Variants in NFXL1 observed in about 807,000 individuals in gnomAD.
NFXL1 encodes NF-X1-type zinc finger protein NFXL1.
A neutral mutation model predicts 123.3 loss-of-function variants in NFXL1; 66 were observed. That is an observed-to-expected ratio of 0.54 (90% confidence interval 0.44 to 0.66). The LOEUF (loss-of-function observed/expected upper bound fraction) is 0.66, where lower values mean the gene tolerates loss of function less well. NFXL1 is among the 30% of genes least tolerant of loss of function. NFXL1 has a pLI of 0.00. For synonymous variants in NFXL1, 346 were observed against 360.8 expected (o/e 0.96, Z 0.46); for missense variants, 944 against 1,125.6 (o/e 0.84, Z 2.31).
intron 7 of NFXL1, 22 bp from the exon 8 acceptor site, chr4:47,898,879 A>G: frequency 6.2e-7 from 1 of 1,610,532 alleles, no homozygotes; most frequent in Non-Finnish European, 8.5e-7. Context: ...ATGATAAATT[A>G]GCACAGAAAC....
intron 11 of NFXL1, among the ~76,000 whole-genome samples, chr4:47,893,296 C>A (rs1736888840): frequency 6.6e-6 from 1 of 151,502 alleles, no homozygotes; most frequent in African/African-American, 2.4e-5. Context: ...AAATAAAAAA[C>A]AAAAATTTCA....
intron 15 of NFXL1, among the ~76,000 whole-genome samples, chr4:47,879,902 GCC>G (rs1365996013): frequency 6.6e-6 from 1 of 152,050 alleles, no homozygotes; most frequent in African/African-American, 2.4e-5. Context: ...CAGACCCTAA[GCC>G]TTTCACAACA....
intron 17 of NFXL1, among the ~76,000 whole-genome samples, chr4:47,878,203 ATACTCT>A (rs1237394618): frequency 6.6e-6 from 1 of 152,096 alleles, no homozygotes; most frequent in East Asian, 1.9e-4. Flanking sequence ...AATGGAGGTG[ATACTCT>A]TACTTACTAT....
chr4:47,882,357 G>GAC (rs1736166622), intron 15 of NFXL1: 1 of 152,182 alleles, frequency 6.6e-6, no homozygotes, highest in Non-Finnish European at 1.5e-5. Context: ...TGATGATGAT[G>GAC]ACACACAGAA....
chr4:47,913,927 A>T lies in NFXL1; in HGVS notation c.235+42T>A, dbSNP rs1737973044. On this transcript the variant is annotated intron_variant, in intron 2 of 22. Transcript: ENST00000507489. Reference sequence around the variant, plus strand: ...GGCGGTCCTGACTAGTAACTGCCTTAGGAGGCATCCAGGTGAGCACGCGGG... The same window carrying T: ...GGCGGTCCTGACTAGTAACTGCCTTTGGAGGCATCCAGGTGAGCACGCGGG... The T allele has an allele frequency of 3.5e-6, 5 of 1,426,810 alleles. No homozygotes were observed. The South Asian group carries it at 4.9e-5, about 14-fold the overall frequency. 88.4% of individuals were successfully genotyped at this position (1,426,810 alleles called of 1,614,324 possible).
At chr4:47,863,633 G>C (rs1734889334) in intron 18 of NFXL1, among the ~76,000 whole-genome samples, 1 of 152,144 alleles carries the variant, frequency 6.6e-6, no homozygotes, top group Non-Finnish European at 1.5e-5. Context: ...AGTGAGTCAA[G>C]ATCATGACAC....
chr4:47,898,063 G>A lies in NFXL1; in HGVS notation c.1108C>T (p.Pro370Ser), dbSNP rs1737191672. The A allele has an allele frequency of 8.1e-6, 13 of 1,602,800 alleles. No individual in the cohort carries two copies. Among genetic ancestry groups the A allele is most frequent in the Non-Finnish European group, 9.4e-6 (11 of 1,174,796 alleles). Reference sequence around the variant, plus strand: ...TGCTCACATGTGTGATTACCACATGGCAGTGTTTTTCCACATACCTAAAAT... The same window carrying A: ...TGCTCACATGTGTGATTACCACATGACAGTGTTTTTCCACATACCTAAAAT... Reference protein sequence around the residue: ...HCDQVCGKTLPCGNHTCEQVC... With the variant: ...HCDQVCGKTLSCGNHTCEQVC... The change falls in exon 9 of 23, where the codon CCA (proline) becomes TCA (serine). Residue 370 changes from proline to serine, a missense_variant. By Grantham distance (74) the Pro-to-Ser change is moderately conservative (BLOSUM62 -1). This residue lies in a region of NFXL1 where 296 missense variants were observed against 395.1 expected (regional missense o/e 0.75). Transcript: ENST00000507489.
At chr4:47,883,090 C>G (rs1336663206) in intron 15 of NFXL1, among the ~76,000 whole-genome samples, 3 of 152,038 alleles carry the variant, frequency 2.0e-5, no homozygotes, top group African/African-American at 7.2e-5. Flanking sequence ...AGAAAATTAT[C>G]TTTTCTTCCA....
chr4:47,897,546 C>A (rs546114102), intron 9 of NFXL1, among the ~76,000 whole-genome samples: 1 of 152,118 alleles, frequency 6.6e-6, no homozygotes, highest in Admixed American at 6.5e-5. Context: ...TCAAACCCCA[C>A]CAGACTGGTA....
intron 2 of NFXL1, among the ~76,000 whole-genome samples, chr4:47,913,260 G>T (rs1038921222): frequency 6.6e-6 from 1 of 152,104 alleles, no homozygotes; most frequent in African/African-American, 2.4e-5. Context: ...ATGCACAATT[G>T]TGTGTAAGTC....
intron 1 of NFXL1, 65 bp downstream of exon 1, chr4:47,914,300 G>A (rs1172153810): frequency 2.0e-6 from 2 of 976,540 alleles, no homozygotes; most frequent in Admixed American, 2.9e-5. Flanking sequence ...GGTGTGAGGG[G>A]CCGAGTGAGG....
intron 19 of NFXL1, among the ~76,000 whole-genome samples, chr4:47,858,455 T>G (rs1041788247): frequency 1.3e-5 from 2 of 152,232 alleles, no homozygotes; most frequent in African/African-American, 4.8e-5. Flanking sequence ...GCAAGAATGT[T>G]CACAGCAGTA....
chr4:47,881,068 T>C (rs911729093), intron 15 of NFXL1, among the ~76,000 whole-genome samples: 7 of 152,062 alleles, frequency 4.6e-5, no homozygotes, highest in African/African-American at 1.7e-4. Context: ...TACTGTTATC[T>C]ATTGTTAACT....
intron 17 of NFXL1, among the ~76,000 whole-genome samples, chr4:47,876,246 T>C (rs1735746763): frequency 6.6e-6 from 1 of 152,104 alleles, no homozygotes; most frequent in South Asian, 2.1e-4. Flanking sequence ...GAACTTACAT[T>C]TATGTGAGGA....
intron 10 of NFXL1, 63 bp from the exon 11 acceptor site, chr4:47,894,365 A>T (rs1736954163): frequency 8.2e-7 from 1 of 1,218,982 alleles, no homozygotes; most frequent in Admixed American, 2.6e-5. Flanking sequence ...CTCACATTGC[A>T]ACTTCTACAA....
In NFXL1 at chr4:47,848,116, A is replaced by G. The variant is rs760609835; in HGVS notation, c.*47T>C. 8.2e-7 allele frequency: 1 copy of G among 1,218,204 alleles called. No homozygotes were observed. Among genetic ancestry groups the G allele is most frequent in the Admixed American group, 2.2e-5 (1 of 45,122 alleles). The allele number at this position is 1,218,204 out of a possible 1,614,324, so 75.5% of individuals were successfully genotyped here. On this transcript the variant is annotated 3_prime_UTR_variant, in exon 23 of 23. Coordinates refer to ENST00000507489, the MANE Select transcript of NFXL1 (RefSeq NM_001278624.2). ...ATTTTCTAATATTTCAAATTTAACA[A>G]CTTATCTAAATCCAATCTGAGTTAC...
At position 47,914,481 on chromosome 4, in the gene NFXL1, CGGA is replaced by C. The variant is rs1048458311; in HGVS notation, c.-122_-120del. 131 of 370,586 alleles carry C rather than the reference CGGA, an allele frequency of 3.5e-4. No individual in the cohort carries two copies. Among genetic ancestry groups the C allele is most frequent in the African/African-American group, 2.3e-3 (110 of 48,334 alleles). The allele number at this position is 370,586 out of a possible 1,614,324, so 23.0% of individuals were successfully genotyped here. A position where few individuals can be genotyped will look rare whatever the true frequency, so the allele number is the denominator to read the frequency against. ...GCACACAGTGCCGAAGACAGAAAGC[CGGA>C]GGAGAAGTCGAAACCGCCTCCTCAG... On this transcript the variant is annotated 5_prime_UTR_variant, in exon 1 of 23. Coordinates refer to ENST00000507489, the MANE Select transcript of NFXL1 (RefSeq NM_001278624.2).
At chr4:47,880,426 CAAAA>C (rs752132328) in intron 15 of NFXL1, among the ~76,000 whole-genome samples, 1 of 36,640 alleles carries the variant, frequency 2.7e-5, no homozygotes, top group Non-Finnish European at 6.2e-5. Flanking sequence ...GATCCAGTCT[CAAAA>C]AAAAAAAAAA....
intron 15 of NFXL1, among the ~76,000 whole-genome samples, chr4:47,881,169 T>C (rs1736095605): frequency 6.6e-6 from 1 of 152,054 alleles, no homozygotes; most frequent in Non-Finnish European, 1.5e-5. Context: ...AACAATAATA[T>C]ATATTTTCAA....
Sources: allele counts gnomAD v4.1 joint callset (sites outside exome capture counted in the v4.1 genomes callset), GRCh38; gene constraint gnomAD v4.1.1; regional missense constraint gnomAD v4.1.1; transcripts MANE v1.5; gene names NCBI Gene and HGNC (gene_info 2026-07-23, HGNC 2026-07-21).